The following SUMF2 variants were observed in gnomAD, a reference collection of about 807,000 sequenced individuals.
SUMF2 encodes inactive C-alpha-formylglycine-generating enzyme 2.
A neutral mutation model predicts 44.8 loss-of-function variants in SUMF2; 45 were observed. The ratio of observed to expected loss-of-function variants is 1.00; its 90% confidence interval spans 0.79 to 1.29. The LOEUF (loss-of-function observed/expected upper bound fraction) is 1.29. Among genes scored for constraint, SUMF2 ranks in the 50% most tolerant of loss-of-function variants. The pLI, the probability that SUMF2 is intolerant of heterozygous loss-of-function variation, is 0.00. For missense variants in SUMF2, 418 were observed against 389.9 expected (o/e 1.07, Z -0.61); for synonymous variants, 148 against 150.4 (o/e 0.98, Z 0.12).
At chr7:56,072,014 A>G (rs1795191737) in intron 2 of SUMF2, among the ~76,000 whole-genome samples, 1 of 150,938 alleles carries the variant, frequency 6.6e-6, no homozygotes, top group Non-Finnish European at 1.5e-5. Flanking sequence ...AAGCTGAGGC[A>G]AGAGAATCGC....
downstream of SUMF2, chr7:56,080,675 T>G: frequency 7.9e-6 from 2 of 253,716 alleles, no homozygotes; most frequent in Non-Finnish European, 7.7e-6. Flanking sequence ...ATCTCAGACA[T>G]TTGTGTCTTT....
downstream of SUMF2, chr7:56,084,375 T>A: frequency 1.9e-6 from 1 of 529,614 alleles, no homozygotes; most frequent in Non-Finnish European, 3.3e-6. Flanking sequence ...TCCCGATTTT[T>A]TTTTTTTTTT....
chr7:56,087,765 C>T, the SUMF2 span: 1 of 1,611,542 alleles, frequency 6.2e-7, no homozygotes, highest in Non-Finnish European at 8.5e-7. Context: ...CCTGACCACA[C>T]TGCTAACGCC....
intron 2 of SUMF2, among the ~76,000 whole-genome samples, chr7:56,068,987 C>T (rs1392520992): frequency 6.6e-6 from 1 of 152,014 alleles, no homozygotes; most frequent in East Asian, 1.9e-4. Context: ...GCTGGGATTA[C>T]AGGCATGAGC....
chr7:56,068,647 G>C lies in SUMF2; in HGVS notation c.224+9G>C, dbSNP rs375432358. 11 of 1,611,356 alleles carry C rather than the reference G, an allele frequency of 6.8e-6. No individual in the cohort carries two copies. The highest frequency in any genetic ancestry group is 9.3e-6 in the Non-Finnish European group (11 of 1,178,984). ...ACCAACAAAGATTTCAGGTACATCAGGTATTCTTCCAGGAGGAATGAAGAC... is the reference window on the plus strand; with the variant it reads ...ACCAACAAAGATTTCAGGTACATCACGTATTCTTCCAGGAGGAATGAAGAC... On this transcript the variant is annotated intron_variant, in intron 2 of 8. Transcript: ENST00000434526.
In SUMF2 at chr7:56,079,571, C is replaced by G; in HGVS notation, c.865C>G (p.Arg289Gly). The G allele has an allele frequency of 6.2e-7, 1 of 1,614,174 alleles. No homozygotes were observed. The highest frequency in any genetic ancestry group is 8.5e-7 in the Non-Finnish European group (1 of 1,180,012). The change falls in exon 9 of 9, where the codon CGC becomes GGC. Residue 289 changes from arginine to glycine, a missense_variant. Transcript: ENST00000434526. ...PDSASDNLGFRCAADAGRPPG... is the reference protein window; with the variant it reads ...PDSASDNLGFGCAADAGRPPG... The stretch of plus-strand genomic sequence containing the variant: ...TTCAGCCTCAGACAACCTCGGTTTC[C>G]GCTGTGCTGCAGACGCAGGCCGGCC...
At chr7:56,075,169 G>C (rs955670348) in intron 5 of SUMF2, among the ~76,000 whole-genome samples, 2 of 150,248 alleles carry the variant, frequency 1.3e-5, no homozygotes, top group Non-Finnish European at 3.0e-5. Context: ...AGCTATCTGT[G>C]GTGGAGGACC....
intron 5 of SUMF2, among the ~76,000 whole-genome samples, chr7:56,075,915 T>A (rs1345255674): frequency 6.6e-6 from 1 of 151,834 alleles, no homozygotes; most frequent in Non-Finnish European, 1.5e-5. Context: ...AAGGCTGGAG[T>A]ACAGTGGCAC....
intron 8 of SUMF2, chr7:56,078,788 C>T: frequency 2.3e-6 from 1 of 440,504 alleles, no homozygotes; most frequent in East Asian, 3.4e-5. Context: ...GGTTTCTCCT[C>T]TTGTCCTTAC....
intron 1 of SUMF2, among the ~76,000 whole-genome samples, chr7:56,068,179 G>A (rs1288532967): frequency 1.3e-5 from 2 of 151,358 alleles, no homozygotes; most frequent in African/African-American, 4.8e-5. Context: ...GACTACAGGC[G>A]ACTGCCACCA....
the SUMF2 span, chr7:56,087,052 A>C: frequency 6.8e-5 from 108 of 1,598,000 alleles, no homozygotes; most frequent in Non-Finnish European, 8.5e-5. Flanking sequence ...AGCTTGTCTC[A>C]AGTAGCAGGG....
chr7:56,087,592 A>G, the SUMF2 span: 2 of 1,611,216 alleles, frequency 1.2e-6, no homozygotes, highest in African/African-American at 2.7e-5. Flanking sequence ...TGGGGCCATC[A>G]CTCACTGATG....
downstream of SUMF2, among the ~76,000 whole-genome samples, chr7:56,082,573 CAGAG>C (rs1316918998): frequency 6.6e-6 from 1 of 151,550 alleles, no homozygotes; most frequent in Non-Finnish European, 1.5e-5. Context: ...AGCCTGGTGA[CAGAG>C]TGAGACTCTG....
rs1795409119 is a variant in SUMF2, at chr7:56,074,604, G to C, written c.403G>C (p.Gly135Arg). Residue 135 changes from glycine to arginine, a missense_variant, in exon 5 of 9, where the codon GGC (glycine) becomes CGC (arginine). Gly to Arg is a moderately radical substitution (Grantham distance 125, BLOSUM62 -2). Coordinates refer to ENST00000434526, the MANE Select transcript of SUMF2 (RefSeq NM_015411.4). Reference protein sequence around the residue: ...FWRQPAGPGSGIRERLEHPVL... With the variant: ...FWRQPAGPGSRIRERLEHPVL... ...CTGTCAGCCTGCAGGTCCTGGCTCT[G>C]GCATCCGAGAGAGACTGGAGCACCC... is the stretch of plus-strand genomic sequence containing the variant. The C allele has an allele frequency of 1.2e-6, 2 of 1,613,970 alleles. No individual in the cohort carries two copies. Among genetic ancestry groups the C allele is most frequent in the African/African-American group, 1.3e-5 (1 of 74,912 alleles).
chr7:56,082,257 C>T, downstream of SUMF2: 3 of 1,611,198 alleles, frequency 1.9e-6, no homozygotes, highest in East Asian at 6.7e-5. Context: ...CAGACCTCTG[C>T]AGGAACAGTC....
chr7:56,080,141 C>A lies in SUMF2; in HGVS notation c.*529C>A. 1 of 455,288 alleles carries A rather than the reference C, an allele frequency of 2.2e-6. No individual in the cohort carries two copies. The allele number at this position is 455,288 out of a possible 1,614,324, so 28.2% of individuals were successfully genotyped here. The stretch of plus-strand genomic sequence containing the variant: ...CAGGCAGACATGTAACTATTTAAAG[C>A]ACAGTTCAGTCCTAAAAGGGTCTGG... On this transcript the variant is annotated 3_prime_UTR_variant, in exon 9 of 9. Coordinates refer to ENST00000434526, the MANE Select transcript of SUMF2 (RefSeq NM_015411.4).
At chr7:56,084,362 G>A, downstream of SUMF2, 2 of 513,380 alleles carry the variant, frequency 3.9e-6, no homozygotes, top group East Asian at 3.7e-5. Context: ...AAGGACGTGA[G>A]TATCCCGATT....
chr7:56,073,312 C>T, intron 3 of SUMF2: 1 of 633,444 alleles, frequency 1.6e-6, no homozygotes, highest in Non-Finnish European at 2.9e-6. Context: ...TTAGCTCTTG[C>T]CTAAATGTCC....
downstream of SUMF2, chr7:56,081,707 C>T: frequency 6.2e-7 from 1 of 1,614,020 alleles, no homozygotes; most frequent in Non-Finnish European, 8.5e-7. The surrounding 1 kb of genome is among the most constrained non-coding windows in gnomAD (Gnocchi z 4.6). Flanking sequence ...GCCAAGGCCT[C>T]TTCCGCTGTG....
Sources: allele counts gnomAD v4.1 joint callset (sites outside exome capture counted in the v4.1 genomes callset), GRCh38; gene constraint gnomAD v4.1.1; non-coding constraint Gnocchi (gnomAD v3.1); transcripts MANE v1.5; gene names NCBI Gene and HGNC (gene_info 2026-07-23, HGNC 2026-07-21).